The following DDX10 variants were observed in gnomAD, a reference collection of about 807,000 sequenced individuals.
DDX10 encodes the protein probable ATP-dependent RNA helicase DDX10.
DDX10 carries 74 observed loss-of-function variants against 104.3 expected under a neutral mutation model. That is an observed-to-expected ratio of 0.71 (90% CI 0.59 to 0.86). DDX10 has a LOEUF of 0.86. Among genes scored for constraint, DDX10 ranks in the 40% least tolerant of loss-of-function variants. The pLI is 0.00. For missense variants in DDX10, 952 were observed against 1,040.0 expected (o/e 0.92, Z 1.16); for synonymous variants, 351 against 353.4 (o/e 0.99, Z 0.08).
At chr11:108,807,273 G>T (rs931404166) in intron 13 of DDX10, among the ~76,000 whole-genome samples, 9 of 152,106 alleles carry the variant, frequency 5.9e-5, no homozygotes, top group Non-Finnish European at 1.2e-4. Flanking sequence ...TTGGCTGGGG[G>T]CAAACCTCAT....
chr11:108,791,980 C>T (rs953203010), intron 13 of DDX10, among the ~76,000 whole-genome samples: 5 of 152,084 alleles, frequency 3.3e-5, no homozygotes, highest in Admixed American at 1.3e-4. Flanking sequence ...TATAGTTATT[C>T]GAGTGGCTAC....
intron 10 of DDX10, among the ~76,000 whole-genome samples, chr11:108,708,705 T>C (rs1197965719): frequency 6.6e-6 from 1 of 151,948 alleles, no homozygotes; most frequent in East Asian, 1.9e-4. Context: ...GAAGCTAGAA[T>C]TACAGGCATG....
intron 17 of DDX10, among the ~76,000 whole-genome samples, chr11:108,933,526 C>A (rs1272202060): frequency 1.3e-5 from 2 of 152,160 alleles, no homozygotes; most frequent in Non-Finnish European, 2.9e-5. Flanking sequence ...CAAAATTACT[C>A]ATTTTTATTG....
At chr11:108,838,596 G>C in intron 14 of DDX10, 31 bp downstream of exon 14, 1 of 1,590,188 alleles carries the variant, frequency 6.3e-7, no homozygotes, top group South Asian at 1.1e-5. Context: ...CATTTCTGAG[G>C]TGCATTTGGA....
chr11:108,765,013 CTTTGT>C (rs2094354882), intron 13 of DDX10, among the ~76,000 whole-genome samples: 1 of 152,086 alleles, frequency 6.6e-6, no homozygotes, highest in South Asian at 2.1e-4. Context: ...AAATTTATTT[CTTTGT>C]TTTAACTAAG....
intron 16 of DDX10, among the ~76,000 whole-genome samples, chr11:108,858,203 C>A (rs1370741018): frequency 6.6e-6 from 1 of 152,132 alleles, no homozygotes; most frequent in Non-Finnish European, 1.5e-5. Context: ...TGAACTGTTT[C>A]CGTTTTGAAG....
chr11:108,803,933 C>T (rs1862060919), intron 13 of DDX10, among the ~76,000 whole-genome samples: 1 of 152,162 alleles, frequency 6.6e-6, no homozygotes, highest in Non-Finnish European at 1.5e-5. Context: ...TTTGACATTT[C>T]CTCACTTTTG....
At chr11:108,780,571 T>C (rs976956091) in intron 13 of DDX10, among the ~76,000 whole-genome samples, 2 of 152,172 alleles carry the variant, frequency 1.3e-5, no homozygotes, top group Admixed American at 6.6e-5. Context: ...CCAGTGCTAA[T>C]TGGATTGTGA....
At chr11:108,861,195 G>T (rs1220781427) in intron 16 of DDX10, among the ~76,000 whole-genome samples, 2 of 151,826 alleles carry the variant, frequency 1.3e-5, no homozygotes, top group African/African-American at 4.8e-5. Context: ...TAGCCTCCCA[G>T]GCTACATCTC....
At chr11:108,773,575 A>C (rs1299905373) in intron 13 of DDX10, among the ~76,000 whole-genome samples, 2 of 151,948 alleles carry the variant, frequency 1.3e-5, no homozygotes, top group East Asian at 3.9e-4. Flanking sequence ...CACATACTCA[A>C]ATGCATAAAT....
chr11:108,800,268 A>G (rs1180111952), intron 13 of DDX10, among the ~76,000 whole-genome samples: 4 of 63,332 alleles, frequency 6.3e-5, no homozygotes, highest in Non-Finnish European at 1.3e-4. Context: ...TGTCTTTACT[A>G]AAAATACAAA....
At chr11:108,703,270 A>T (rs1365553054) in intron 9 of DDX10, among the ~76,000 whole-genome samples, 1 of 152,210 alleles carries the variant, frequency 6.6e-6, no homozygotes, top group Non-Finnish European at 1.5e-5. Flanking sequence ...GATAAATATA[A>T]TTTATCGATT....
At chr11:108,872,992 T>C (rs544369562) in intron 16 of DDX10, among the ~76,000 whole-genome samples, 2 of 152,130 alleles carry the variant, frequency 1.3e-5, no homozygotes, top group African/African-American at 2.4e-5. Context: ...GAGCCACTGC[T>C]CAGGAGGAGG....
intron 13 of DDX10, among the ~76,000 whole-genome samples, chr11:108,832,169 A>AT (rs1417090857): frequency 1.3e-5 from 2 of 151,552 alleles, no homozygotes; most frequent in Non-Finnish European, 2.9e-5. Flanking sequence ...GAATTGAAGT[A>AT]TAAAAAGTAA....
intron 13 of DDX10, among the ~76,000 whole-genome samples, chr11:108,813,284 A>G (rs1862211621): frequency 8.5e-6 from 1 of 117,102 alleles, no homozygotes; most frequent in Admixed American, 9.8e-5. Flanking sequence ...TTCTGCAAAC[A>G]CAGCATCTTT....
intron 15 of DDX10, among the ~76,000 whole-genome samples, chr11:108,842,813 A>G (rs928504599): frequency 6.6e-6 from 1 of 152,200 alleles, no homozygotes; most frequent in Non-Finnish European, 1.5e-5. Context: ...CAATCTACTT[A>G]GAGTATTTAT....
intron 13 of DDX10, 102 bp downstream of exon 13, chr11:108,723,564 A>T: frequency 8.3e-7 from 1 of 1,203,550 alleles, no homozygotes; most frequent in Non-Finnish European, 1.1e-6. Context: ...AGAAACTTAG[A>T]CTGGGTTTCT....
Position 108,838,552 on chromosome 11 carries a change from C to T in DDX10, c.2072C>T (p.Thr691Ile), listed in dbSNP as rs1297248769. ...NFKVNKKITF[T>I]DEGELVQQWP... Reference sequence around the variant, plus strand: ...AAAGTGAATAAGAAGATAACATTTACTGATGAAGGGGAGGTAAGATTCTAG... The same window carrying T: ...AAAGTGAATAAGAAGATAACATTTATTGATGAAGGGGAGGTAAGATTCTAG... The change falls in exon 14 of 18, where the codon ACT (threonine) becomes ATT (isoleucine). Residue 691 changes from threonine to isoleucine, a missense_variant. This residue lies in a region of DDX10 where 533 missense variants were observed against 534.1 expected (regional missense o/e 1.00). Transcript: ENST00000322536. The T allele has an allele frequency of 1.2e-6, 2 of 1,610,052 alleles. No individual in the cohort carries two copies. The highest frequency in any genetic ancestry group is 1.7e-6 in the Non-Finnish European group (2 of 1,178,288).
chr11:108,668,660 G>A (rs2094213031), intron 1 of DDX10, among the ~76,000 whole-genome samples: 1 of 152,116 alleles, frequency 6.6e-6, no homozygotes, highest in Admixed American at 6.5e-5. Flanking sequence ...TGAACAATTT[G>A]ATTCCGAAAC....
Sources: allele counts gnomAD v4.1 joint callset (sites outside exome capture counted in the v4.1 genomes callset), GRCh38; gene constraint gnomAD v4.1.1; regional missense constraint gnomAD v4.1.1; transcripts MANE v1.5; gene names NCBI Gene and HGNC (gene_info 2026-07-23, HGNC 2026-07-21).